Variants in CALM2 observed in about 807,000 individuals in gnomAD.
The protein encoded by CALM2 is calmodulin 2, also known as calmodulin-2.
Under a neutral mutation model 19.8 loss-of-function variants are expected in CALM2, and 2 were observed. The observed-to-expected ratio is 0.10, with a 90% CI of 0.04 to 0.32. CALM2 has a LOEUF of 0.32. Among genes scored for constraint, CALM2 ranks in the 10% least tolerant of loss-of-function variants. The probability of loss-of-function intolerance (pLI) is 1.00; values close to 1 mark genes in which losing one functional copy is unlikely to be tolerated. For missense variants in CALM2, 38 were observed against 178.7 expected, an observed-to-expected ratio of 0.21 and a Z score of 4.49; for synonymous variants, 51 against 52.1, an observed-to-expected ratio of 0.98 and a Z score of 0.09.
At chr2:47,161,602 G>GTA in intron 5 of CALM2, 121 bp downstream of exon 5, 1 of 819,154 alleles carries the variant, frequency 1.2e-6, no homozygotes, top group Non-Finnish European at 1.9e-6. Context: ...TTAAATGTAA[G>GTA]TAACTGTTTT....
intron 1 of CALM2, chr2:47,173,339 G>A (rs1191639410): frequency 6.6e-6 from 1 of 151,206 alleles, no homozygotes; most frequent in African/African-American, 2.5e-5. Flanking sequence ...TCAGTAAAGT[G>A]AAGAAGAATT....
At chr2:47,172,373 T>C in intron 1 of CALM2, 2 of 523,412 alleles carry the variant, frequency 3.8e-6, no homozygotes, top group South Asian at 1.5e-5. Flanking sequence ...ACTCCTCCTC[T>C]CAGTCAACTT....
At chr2:47,170,637 CAA>C (rs755938623) in intron 2 of CALM2, 95 bp downstream of exon 2, 11 of 964,408 alleles carry the variant, frequency 1.1e-5, no homozygotes, top group Non-Finnish European at 1.7e-5. Flanking sequence ...TGACATATAC[CAA>C]AGTCAATTAT....
intron 2 of CALM2, among the ~76,000 whole-genome samples, chr2:47,168,210 T>C (rs1489991112): frequency 2.0e-5 from 3 of 152,186 alleles, no homozygotes. Context: ...TTTTGGTTCC[T>C]CTGCCCTAAA....
intron 1 of CALM2, among the ~76,000 whole-genome samples, chr2:47,176,038 T>C (rs887129806): frequency 1.3e-5 from 2 of 152,092 alleles, no homozygotes; most frequent in African/African-American, 2.4e-5. Context: ...TAACCGTCGG[T>C]CGGGTGGATT....
chr2:47,164,267 G>T, intron 2 of CALM2, among the ~76,000 whole-genome samples: 1 of 80,530 alleles, frequency 1.2e-5, no homozygotes, highest in Non-Finnish European at 2.9e-5. Flanking sequence ...AAAAAGAAAA[G>T]AAACCCCGTC....
chr2:47,166,677 T>C (rs1183756410), intron 2 of CALM2, among the ~76,000 whole-genome samples: 1 of 152,180 alleles, frequency 6.6e-6, no homozygotes, highest in East Asian at 1.9e-4. Flanking sequence ...AAAGTAAAAT[T>C]TTAATTCACC....
chr2:47,165,389 A>C (rs1666430720), intron 2 of CALM2, among the ~76,000 whole-genome samples: 1 of 152,242 alleles, frequency 6.6e-6, no homozygotes, highest in Non-Finnish European at 1.5e-5. Context: ...TACCATGCCC[A>C]CAAGGGGTAT....
chr2:47,168,881 G>A (rs1408635380), intron 2 of CALM2, among the ~76,000 whole-genome samples: 1 of 151,972 alleles, frequency 6.6e-6, no homozygotes, highest in Non-Finnish European at 1.5e-5. Flanking sequence ...AGGTTCAAGT[G>A]ATTCTCCTGC....
chr2:47,176,586 G>A (rs1666883556), upstream of CALM2: 1 of 1,544,328 alleles, frequency 6.5e-7, no homozygotes, highest in Non-Finnish European at 8.7e-7. Flanking sequence ...CCAGATAACG[G>A]AACATCGCAA....
chr2:47,166,471 A>AT (rs1191640157), intron 2 of CALM2, among the ~76,000 whole-genome samples: 1 of 152,240 alleles, frequency 6.6e-6, no homozygotes, highest in Non-Finnish European at 1.5e-5. Flanking sequence ...TAAAAATCTA[A>AT]TAACACTTAA....
chr2:47,176,273 G>A (rs573171437), intron 1 of CALM2, 168 bp downstream of exon 1: 4 of 731,716 alleles, frequency 5.5e-6, no homozygotes, highest in South Asian at 1.8e-5. Flanking sequence ...GGGTGGGGGA[G>A]CACCTGCGAC....
chr2:47,165,827 A>AG (rs1369265328), intron 2 of CALM2, among the ~76,000 whole-genome samples: 10 of 152,338 alleles, frequency 6.6e-5, no homozygotes, highest in Admixed American at 3.3e-4. Context: ...TAAAGGTACT[A>AG]GCAAAAGCCC....
intron 1 of CALM2, among the ~76,000 whole-genome samples, chr2:47,174,361 T>C (rs1487012205): frequency 1.3e-5 from 2 of 152,090 alleles, no homozygotes; most frequent in Non-Finnish European, 2.9e-5. Flanking sequence ...AAGATGATCC[T>C]CCTGCCTCAG....
intron 1 of CALM2, among the ~76,000 whole-genome samples, chr2:47,174,692 AT>A (rs1261647453): frequency 6.6e-6 from 1 of 152,196 alleles, no homozygotes; most frequent in Non-Finnish European, 1.5e-5. Flanking sequence ...GAAAAAATCT[AT>A]TCGAATTACT....
chr2:47,166,601 A>AT (rs1165209155), intron 2 of CALM2, among the ~76,000 whole-genome samples: 1 of 152,180 alleles, frequency 6.6e-6, no homozygotes, highest in East Asian at 1.9e-4. Flanking sequence ...TTTATTCCAA[A>AT]TTTTTACTTG....
chr2:47,162,475 T>G (rs1324055597), intron 3 of CALM2, 44 bp downstream of exon 3: 1 of 1,612,490 alleles, frequency 6.2e-7, no homozygotes, highest in Non-Finnish European at 8.5e-7. Context: ...CATCTAAGTA[T>G]CACTTCTTCA....
chr2:47,170,857 G>A (rs1375514748), intron 1 of CALM2, 93 bp from the exon 2 acceptor site: 43 of 978,314 alleles, frequency 4.4e-5, no homozygotes, highest in Non-Finnish European at 6.7e-5. Flanking sequence ...GGGTTACCAT[G>A]TACTGTTTCA....
intron 1 of CALM2, among the ~76,000 whole-genome samples, chr2:47,175,675 G>C (rs941786932): frequency 4.0e-5 from 6 of 151,212 alleles, no homozygotes; most frequent in Non-Finnish European, 8.9e-5. Flanking sequence ...GGAAACCGTC[G>C]AGGCCCCCCT....
Sources: gnomAD v4.1 joint callset for allele counts (sites outside exome capture counted in the v4.1 genomes callset) on GRCh38, gnomAD v4.1.1 for gene constraint, MANE v1.5 for transcripts, NCBI Gene and HGNC (gene_info 2026-07-23, HGNC 2026-07-21) for gene names.